Variants in NCKAP5 observed in about 807,000 individuals in gnomAD.
The protein encoded by NCKAP5 is nck-associated protein 5.
In NCKAP5, 92 loss-of-function variants were observed where a neutral mutation model predicts 167.0. The ratio of observed to expected loss-of-function variants is 0.55; its 90% CI spans 0.47 to 0.66. The LOEUF is 0.66. Ranked by LOEUF, NCKAP5 falls within the 30% of genes least tolerant of loss-of-function variation. The pLI, the probability that NCKAP5 is intolerant of heterozygous loss-of-function variation, is 0.00. For synonymous variants in NCKAP5, 891 were observed against 877.4 expected, an observed-to-expected ratio of 1.02 and a Z score of -0.27; for missense variants, 2,378 against 2,315.0, an observed-to-expected ratio of 1.03 and a Z score of -0.56.
chr2:133,145,534 T>C (rs1011819005), intron 5 of NCKAP5, among the ~76,000 whole-genome samples: 1 of 152,062 alleles, frequency 6.6e-6, no homozygotes, highest in Non-Finnish European at 1.5e-5. Flanking sequence ...TTAATTTCCC[T>C]GCACAATCAA....
At chr2:133,556,634 T>G (rs1045098569) in intron 2 of NCKAP5, 1 of 152,244 alleles carries the variant, frequency 6.6e-6, no homozygotes, top group Non-Finnish European at 1.5e-5. Flanking sequence ...TGAATTTACA[T>G]AGGACCTATT....
intron 6 of NCKAP5, among the ~76,000 whole-genome samples, chr2:133,106,529 A>C (rs1342532106): frequency 6.6e-6 from 1 of 152,082 alleles, no homozygotes; most frequent in African/African-American, 2.4e-5. Flanking sequence ...AGGAGAGATA[A>C]ATGCTTCTCA....
In NCKAP5 at chr2:132,835,127, G is replaced by T. The variant is rs549931394; in HGVS notation, c.807+25365C>A. On this transcript the variant is annotated intron_variant, in intron 11 of 19. Coordinates refer to ENST00000409261, the MANE Select transcript of NCKAP5 (RefSeq NM_207363.3). ...TGATATATCACATTTATTGTTATGT[G>T]TATGTTGAACCATCCTTGCATCCCT... is the stretch of plus-strand genomic sequence containing the variant. 2.0e-5 allele frequency among the ~76,000 whole-genome samples: 3 copies of T among 152,188 alleles called. No individual in the cohort carries two copies. In the East Asian group the frequency reaches 5.8e-4, roughly 29 times the overall value.
chr2:133,573,354 C>T (rs1688933929), upstream of NCKAP5, among the ~76,000 whole-genome samples: 1 of 152,206 alleles, frequency 6.6e-6, no homozygotes, highest in African/African-American at 2.4e-5. Flanking sequence ...GTCCCCTCAA[C>T]ACACATGTAA....
At chr2:133,041,983 T>C (rs575579010) in intron 6 of NCKAP5, among the ~76,000 whole-genome samples, 5 of 152,278 alleles carry the variant, frequency 3.3e-5, no homozygotes, top group Admixed American at 2.0e-4. Context: ...AAGAATACCA[T>C]ATTGCTGCTA....
intron 11 of NCKAP5, among the ~76,000 whole-genome samples, chr2:132,841,189 T>G (rs1047493713): frequency 8.5e-5 from 13 of 152,062 alleles, no homozygotes; most frequent in Non-Finnish European, 1.6e-4. Flanking sequence ...AGACATGTAT[T>G]CTTCCAAAAC....
At chr2:133,112,043 T>C (rs1238290231) in intron 6 of NCKAP5, among the ~76,000 whole-genome samples, 1 of 152,112 alleles carries the variant, frequency 6.6e-6, no homozygotes, top group Non-Finnish European at 1.5e-5. Flanking sequence ...AAATTCTCTG[T>C]AGAAGAAAAT....
chr2:133,334,752 T>C (rs565456008), intron 3 of NCKAP5, among the ~76,000 whole-genome samples: 1 of 152,276 alleles, frequency 6.6e-6, no homozygotes, highest in South Asian at 2.1e-4. Flanking sequence ...TAATGAAGCA[T>C]GTGGAGCAGC....
intron 3 of NCKAP5, among the ~76,000 whole-genome samples, chr2:133,471,199 C>T (rs750601043): frequency 6.6e-6 from 1 of 152,138 alleles, no homozygotes; most frequent in African/African-American, 2.4e-5. Context: ...AGGTGGCATG[C>T]ACCATCCTTG....
intron 3 of NCKAP5, among the ~76,000 whole-genome samples, chr2:133,400,529 C>T (rs927433313): frequency 3.0e-4 from 46 of 152,026 alleles, no homozygotes; most frequent in African/African-American, 5.6e-4. Context: ...ATGGAGGCAG[C>T]GACTGGAGTT....
chr2:133,021,339 C>T (rs536627037), intron 6 of NCKAP5, among the ~76,000 whole-genome samples: 36 of 152,138 alleles, frequency 2.4e-4, no homozygotes, highest in Middle Eastern at 3.4e-3. Context: ...GGAAGGGAGG[C>T]CCAGAAATGA....
intron 3 of NCKAP5, among the ~76,000 whole-genome samples, chr2:133,369,803 A>C (rs896982922): frequency 6.6e-6 from 1 of 152,226 alleles, no homozygotes; most frequent in Non-Finnish European, 1.5e-5. Flanking sequence ...AGAGGTTATA[A>C]ATATAGAAAA....
intron 3 of NCKAP5, among the ~76,000 whole-genome samples, chr2:133,385,911 A>G (rs971311132): frequency 4.6e-5 from 7 of 151,966 alleles, no homozygotes; most frequent in African/African-American, 1.7e-4. Context: ...TATCATTTTT[A>G]TTGCATCTAT....
At chr2:132,807,631 C>A (rs992830240) in intron 11 of NCKAP5, among the ~76,000 whole-genome samples, 2 of 152,092 alleles carry the variant, frequency 1.3e-5, no homozygotes, top group African/African-American at 2.4e-5. Flanking sequence ...TTGCTGAATT[C>A]TTTTATCAGT....
intron 3 of NCKAP5, among the ~76,000 whole-genome samples, chr2:133,488,719 C>A (rs1681143225): frequency 6.6e-6 from 1 of 152,020 alleles, no homozygotes; most frequent in Non-Finnish European, 1.5e-5. Flanking sequence ...GTCAAGAGAT[C>A]AAGACGGCCA....
At chr2:133,405,332 C>A (rs1390184378) in intron 3 of NCKAP5, among the ~76,000 whole-genome samples, 1 of 152,234 alleles carries the variant, frequency 6.6e-6, no homozygotes, top group Admixed American at 6.5e-5. Context: ...AATACACATA[C>A]TTTCTACATA....
chr2:132,878,605 G>A (rs1309057795), intron 9 of NCKAP5, among the ~76,000 whole-genome samples: 3 of 145,658 alleles, frequency 2.1e-5, no homozygotes, highest in Admixed American at 7.1e-5. Context: ...GGGAGGGAGG[G>A]GGGCAGATAC....
intron 8 of NCKAP5, among the ~76,000 whole-genome samples, chr2:132,949,502 A>G (rs2076117854): frequency 6.6e-6 from 1 of 152,114 alleles, no homozygotes; most frequent in Non-Finnish European, 1.5e-5. Flanking sequence ...CAGAAACCAC[A>G]GTAAGGATTC....
intron 3 of NCKAP5, among the ~76,000 whole-genome samples, chr2:133,439,764 G>A (rs959368037): frequency 6.6e-6 from 1 of 152,136 alleles, no homozygotes; most frequent in African/African-American, 2.4e-5. Context: ...TTTTCTGTCT[G>A]CCTTCATTGC....
Sources: gnomAD v4.1 joint callset for allele counts (sites outside exome capture counted in the v4.1 genomes callset) on GRCh38, gnomAD v4.1.1 for gene constraint, MANE v1.5 for transcripts, NCBI Gene and HGNC (gene_info 2026-07-23, HGNC 2026-07-21) for gene names.